The following FRMPD4 variants were observed in gnomAD, a reference collection of about 807,000 sequenced individuals.
The protein encoded by FRMPD4 is FERM and PDZ domain-containing protein 4.
A neutral mutation model predicts 94.1 loss-of-function variants in FRMPD4; 22 were observed. The ratio of observed to expected loss-of-function variants is 0.23; its 90% CI spans 0.17 to 0.33. FRMPD4 has a LOEUF of 0.33. FRMPD4 is among the 10% of genes least tolerant of loss of function. The pLI is 1.00. For synonymous variants in FRMPD4, 631 were observed against 548.6 expected, an observed-to-expected ratio of 1.15 and a Z score of -2.10; for missense variants, 1,111 against 1,339.9, an observed-to-expected ratio of 0.83 and a Z score of 2.67.
At chrX:11,888,044 G>A (rs1053979840) in intron 3 of FRMPD4, among the ~76,000 whole-genome samples, 7 of 112,244 alleles carry the variant, frequency 6.2e-5, no homozygotes, top group Non-Finnish European at 9.4e-5. Flanking sequence ...TAAAACAAGT[G>A]TTAATTTTGT....
intron 3 of FRMPD4, among the ~76,000 whole-genome samples, chrX:12,049,825 A>G (rs2054807141): frequency 9.0e-6 from 1 of 111,103 alleles, no homozygotes; most frequent in Admixed American, 9.6e-5. Context: ...ATTCTGACCC[A>G]TCGTAGGCTT....
intron 1 of FRMPD4, among the ~76,000 whole-genome samples, chrX:12,139,632 T>C (rs1334036339): frequency 9.0e-6 from 1 of 111,052 alleles, no homozygotes; most frequent in Non-Finnish European, 1.9e-5. Context: ...AAACAGTAGC[T>C]AAAACTAAAT....
chrX:12,169,339 A>G (rs906994442), intron 1 of FRMPD4, among the ~76,000 whole-genome samples: 21 of 112,179 alleles, frequency 1.9e-4, no homozygotes, highest in African/African-American at 6.8e-4. Flanking sequence ...CTGGCCAATA[A>G]TCATTGTCAT....
intron 1 of FRMPD4, among the ~76,000 whole-genome samples, chrX:12,202,761 A>G (rs770354289): frequency 8.9e-6 from 1 of 112,341 alleles, no homozygotes. Flanking sequence ...TGGTGTCCTA[A>G]TAAGAAGGCT....
intron 1 of FRMPD4, among the ~76,000 whole-genome samples, chrX:12,246,160 C>T (rs1304678241): frequency 1.8e-5 from 2 of 111,642 alleles, no homozygotes; most frequent in Non-Finnish European, 3.8e-5. Flanking sequence ...CTTGGAATTA[C>T]TGAACCCCAA....
chrX:11,892,364 C>T (rs977200368), intron 3 of FRMPD4, among the ~76,000 whole-genome samples: 2 of 112,006 alleles, frequency 1.8e-5, no homozygotes, highest in African/African-American at 3.2e-5. Context: ...GCATTTCTGC[C>T]GTAAAGATGG....
intron 4 of FRMPD4, among the ~76,000 whole-genome samples, chrX:12,640,296 CAAAAAA>C (rs1157854116): frequency 4.2e-5 from 1 of 23,804 alleles, no homozygotes; most frequent in Non-Finnish European, 6.5e-5. Flanking sequence ...GAGGCTGTCT[CAAAAAA>C]AAAAAAAAAA....
chrX:12,300,909 A>G (rs2054850257), intron 1 of FRMPD4, among the ~76,000 whole-genome samples: 2 of 111,356 alleles, frequency 1.8e-5, no homozygotes, highest in African/African-American at 6.5e-5. Flanking sequence ...GCCTCCTTCC[A>G]CCTTGCCATC....
chrX:12,601,134 C>T (rs2059081223), intron 2 of FRMPD4, among the ~76,000 whole-genome samples: 1 of 112,061 alleles, frequency 8.9e-6, no homozygotes, highest in African/African-American at 3.2e-5. Flanking sequence ...TGGATTGTCT[C>T]GGCTTTTCAA....
chrX:12,627,934 G>A (rs2059361234), intron 4 of FRMPD4, among the ~76,000 whole-genome samples: 1 of 112,028 alleles, frequency 8.9e-6, no homozygotes. Flanking sequence ...CTACAAATTT[G>A]CAAGTGATTG....
chrX:12,699,056 A>T (rs761974367), intron 9 of FRMPD4, among the ~76,000 whole-genome samples: 1 of 112,177 alleles, frequency 8.9e-6, no homozygotes, highest in Non-Finnish European at 1.9e-5. Flanking sequence ...CCATTATGGC[A>T]TAGCAGTTGC....
intron 1 of FRMPD4, among the ~76,000 whole-genome samples, chrX:11,844,313 T>C (rs2053560918): frequency 9.0e-6 from 1 of 111,403 alleles, no homozygotes; most frequent in East Asian, 2.8e-4. Flanking sequence ...TTATGAATTC[T>C]TTACGTGCTT....
intron 2 of FRMPD4, among the ~76,000 whole-genome samples, chrX:12,544,342 T>C (rs2058452361): frequency 8.9e-6 from 1 of 111,918 alleles, no homozygotes; most frequent in South Asian, 3.7e-4. Context: ...CTTGAAAAGA[T>C]CACTCAATTA....
intron 3 of FRMPD4, among the ~76,000 whole-genome samples, chrX:12,079,841 A>G (rs1272226873): frequency 8.9e-6 from 1 of 112,428 alleles, no homozygotes; most frequent in Non-Finnish European, 1.9e-5. Flanking sequence ...AGGTCTTAAA[A>G]TAGAGACCTA....
At chrX:12,057,166 T>G (rs1012728104) in intron 3 of FRMPD4, among the ~76,000 whole-genome samples, 4 of 112,085 alleles carry the variant, frequency 3.6e-5, no homozygotes, top group Admixed American at 1.9e-4. Flanking sequence ...ATCAATTAGT[T>G]ACATTACTGA....
chrX:12,210,606 G>A (rs1294190949), intron 1 of FRMPD4, among the ~76,000 whole-genome samples: 1 of 111,187 alleles, frequency 9.0e-6, no homozygotes, highest in Non-Finnish European at 1.9e-5. Context: ...CAAAGGGGGA[G>A]TAGCTTCTTA....
At chrX:12,225,913 G>T (rs2056917083) in intron 1 of FRMPD4, among the ~76,000 whole-genome samples, 1 of 111,901 alleles carries the variant, frequency 8.9e-6, no homozygotes, top group Non-Finnish European at 1.9e-5. Context: ...GTACACTGCT[G>T]GAGTTCAGAA....
chrX:12,546,541 A>G (rs2058478596), intron 2 of FRMPD4, among the ~76,000 whole-genome samples: 1 of 111,937 alleles, frequency 8.9e-6, no homozygotes, highest in South Asian at 3.7e-4. Flanking sequence ...GTGTGTCCTT[A>G]TGACCAGTGT....
intron 2 of FRMPD4, among the ~76,000 whole-genome samples, chrX:12,542,480 C>G (rs1417749361): frequency 8.9e-6 from 1 of 112,072 alleles, no homozygotes; most frequent in Non-Finnish European, 1.9e-5. Context: ...AACTCCCATT[C>G]ACAATTGCTT....
Sources: allele counts gnomAD v4.1 joint callset (sites outside exome capture counted in the v4.1 genomes callset), GRCh38; gene constraint gnomAD v4.1.1; transcripts MANE v1.5; gene names NCBI Gene and HGNC (gene_info 2026-07-23, HGNC 2026-07-21).